The following RBFOX1 variants were observed in gnomAD, a reference collection of about 807,000 sequenced individuals.
RBFOX1 encodes the protein RNA binding fox-1 homolog 1.
RBFOX1 carries 8 observed loss-of-function variants against 57.7 expected under a neutral mutation model. The ratio of observed to expected loss-of-function variants is 0.14; its 90% CI spans 0.08 to 0.25. RBFOX1 has a LOEUF of 0.25. Among genes scored for constraint, RBFOX1 ranks in the 10% least tolerant of loss-of-function variants. RBFOX1 has a pLI of 1.00. For synonymous variants in RBFOX1, 326 were observed against 222.4 expected, an observed-to-expected ratio of 1.47 and a Z score of -4.15; for missense variants, 611 against 548.5, an observed-to-expected ratio of 1.11 and a Z score of -1.14.
At chr16:7,183,982 A>T (rs1427269867) in intron 4 of RBFOX1, among the ~76,000 whole-genome samples, 3 of 152,178 alleles carry the variant, frequency 2.0e-5, no homozygotes, top group East Asian at 3.9e-4. Context: ...TAAAGAACTG[A>T]AATAGGATGA....
At chr16:7,440,334 A>AT (rs1446045312) in intron 4 of RBFOX1, among the ~76,000 whole-genome samples, 1 of 152,058 alleles carries the variant, frequency 6.6e-6, no homozygotes, top group Non-Finnish European at 1.5e-5. Flanking sequence ...CTGTGAAAAA[A>AT]CAAGATTGTT....
At chr16:5,694,806 T>G (rs984211308) in intron 3 of RBFOX1, among the ~76,000 whole-genome samples, 1 of 32,198 alleles carries the variant, frequency 3.1e-5, no homozygotes, top group African/African-American at 5.3e-5. Flanking sequence ...TGTTTTTGTT[T>G]TTGTTTTTGT....
At position 7,336,129 on chromosome 16, in the gene RBFOX1, C is replaced by A. The variant is rs553529161; in HGVS notation, c.28-182018C>A. On this transcript the variant is annotated intron_variant, in intron 4 of 15. Transcript: ENST00000550418. ...CTTGAATGATCAGTGAATTGTCTGA[C>A]CTGGTAACACAGGAGCCTCAGTCAC... is the stretch of plus-strand genomic sequence containing the variant. 5.3e-5 allele frequency among the ~76,000 whole-genome samples: 8 copies of A among 152,326 alleles called. No individual in the cohort carries two copies. The South Asian group carries it at 1.7e-3, about 32-fold the overall frequency.
chr16:7,397,506 C>G (rs1033765393), intron 4 of RBFOX1, among the ~76,000 whole-genome samples: 2 of 152,092 alleles, frequency 1.3e-5, no homozygotes, highest in African/African-American at 2.4e-5. Context: ...TGAAAAGAAC[C>G]CACTGGTGAC....
At chr16:7,328,583 C>T (rs1050094341) in intron 4 of RBFOX1, 1 of 150,080 alleles carries the variant, frequency 6.7e-6, no homozygotes, top group Non-Finnish European at 1.5e-5. Flanking sequence ...GAGTTAATAC[C>T]TAAGAAGGAA....
At chr16:7,685,164 C>T (rs1052059037) in intron 14 of RBFOX1, among the ~76,000 whole-genome samples, 2 of 151,968 alleles carry the variant, frequency 1.3e-5, no homozygotes, top group South Asian at 2.1e-4. Flanking sequence ...TTGAGAAGCC[C>T]CACTTTAGAG....
At chr16:5,838,293 T>C in intron 3 of RBFOX1, 1 of 224,078 alleles carries the variant, frequency 4.5e-6, no homozygotes. Context: ...GGTGGCGGCC[T>C]GCCTCTTTCC....
chr16:7,000,738 G>GGGA (rs1221119654), intron 3 of RBFOX1, among the ~76,000 whole-genome samples: 1 of 151,352 alleles, frequency 6.6e-6, no homozygotes, highest in East Asian at 1.9e-4. Flanking sequence ...CCAAGTAGCT[G>GGGA]GGACTACAGG....
chr16:5,864,788 C>A (rs2057307429), intron 3 of RBFOX1, among the ~76,000 whole-genome samples: 2 of 152,056 alleles, frequency 1.3e-5, no homozygotes, highest in Admixed American at 1.3e-4. Flanking sequence ...CGTGTTTTGC[C>A]TGGGAAAAAC....
intron 4 of RBFOX1, among the ~76,000 whole-genome samples, chr16:7,206,240 C>T (rs1383839104): frequency 3.9e-5 from 6 of 152,094 alleles, no homozygotes; most frequent in African/African-American, 1.2e-4. Flanking sequence ...CAGACAGTAA[C>T]ATCTTAGTCT....
intron 4 of RBFOX1, among the ~76,000 whole-genome samples, chr16:7,192,429 C>T (rs1342476232): frequency 6.6e-6 from 1 of 152,080 alleles, no homozygotes; most frequent in Non-Finnish European, 1.5e-5. Context: ...CTATAGAGGC[C>T]AGAAGGGTCC....
intron 3 of RBFOX1, among the ~76,000 whole-genome samples, chr16:6,955,446 T>A (rs2081594680): frequency 6.6e-6 from 1 of 152,172 alleles, no homozygotes; most frequent in South Asian, 2.1e-4. Context: ...TTGTTCTGTG[T>A]TCCACTGGTT....
rs184913524 is a variant in RBFOX1, at chr16:6,865,081, C to T, written c.-15-186976C>T. On this transcript the variant is annotated intron_variant, in intron 3 of 15. Transcript: ENST00000550418. ...GCAGTGGCGCGATCTTGGCTCACTG[C>T]AACCTCCGCCTCCTGGGTTCAAGCA... Among the ~76,000 whole-genome samples the T allele has an allele frequency of 2.2e-5, 3 of 138,196 alleles. No individual in the cohort carries two copies. In the East Asian group the frequency reaches 6.8e-4, roughly 31 times the overall value. The allele number at this position is 138,196 out of a possible 152,430, so 90.7% of individuals were successfully genotyped here. A position where few individuals can be genotyped will look rare whatever the true frequency, so the allele number is the denominator to read the frequency against.
At chr16:5,561,175 C>A (rs1358633061) in intron 2 of RBFOX1, among the ~76,000 whole-genome samples, 1 of 152,100 alleles carries the variant, frequency 6.6e-6, no homozygotes, top group Non-Finnish European at 1.5e-5. Context: ...GCTGCCTGAT[C>A]CTTCATCCAT....
At chr16:5,501,921 C>G (rs1026205378) in intron 2 of RBFOX1, among the ~76,000 whole-genome samples, 1 of 151,832 alleles carries the variant, frequency 6.6e-6, no homozygotes, top group African/African-American at 2.4e-5. Flanking sequence ...ATGGGTCTTG[C>G]TATGTTGCCC....
intron 4 of RBFOX1, among the ~76,000 whole-genome samples, chr16:7,192,827 C>T (rs188697299): frequency 6.6e-6 from 1 of 152,138 alleles, no homozygotes; most frequent in African/African-American, 2.4e-5. Context: ...AAAATTGGAA[C>T]ATACAAAACA....
intron 4 of RBFOX1, among the ~76,000 whole-genome samples, chr16:7,388,779 G>A (rs979001670): frequency 2.7e-5 from 4 of 150,216 alleles, no homozygotes; most frequent in African/African-American, 9.8e-5. Context: ...TGTTAGATGA[G>A]TTTGTCCAAA....
chr16:7,496,433 G>C (rs929553275), intron 4 of RBFOX1, among the ~76,000 whole-genome samples: 1 of 152,204 alleles, frequency 6.6e-6, no homozygotes, highest in Non-Finnish European at 1.5e-5. Context: ...GTGAGCCACT[G>C]TGCCTGGCCA....
intron 1 of RBFOX1, among the ~76,000 whole-genome samples, chr16:5,418,632 G>A (rs775687685): frequency 1.2e-4 from 18 of 152,090 alleles, no homozygotes; most frequent in Admixed American, 3.9e-4. Flanking sequence ...TAACCACCCC[G>A]CCATACCTCC....
Sources: allele counts gnomAD v4.1 joint callset (sites outside exome capture counted in the v4.1 genomes callset), GRCh38; gene constraint gnomAD v4.1.1; transcripts MANE v1.5; gene names NCBI Gene and HGNC (gene_info 2026-07-23, HGNC 2026-07-21).